The following ATP8B1 variants were observed in gnomAD, a reference collection of about 807,000 sequenced individuals.
The protein encoded by ATP8B1 is ATPase phospholipid transporting 8B1.
ATP8B1 carries 80 observed loss-of-function variants against 149.9 expected under a neutral mutation model. That is an observed-to-expected ratio of 0.53 (90% CI 0.45 to 0.64). ATP8B1 has a LOEUF of 0.64. Ranked by LOEUF, ATP8B1 falls within the 30% of genes least tolerant of loss-of-function variation. ATP8B1 has a pLI of 0.00. For missense variants in ATP8B1, 1,247 were observed against 1,552.6 expected (o/e 0.80, Z 3.31); for synonymous variants, 536 against 562.8 (o/e 0.95, Z 0.67).
intron 12 of ATP8B1, 96 bp from the exon 13 acceptor site, chr18:57,688,603 T>G: frequency 8.2e-7 from 1 of 1,215,424 alleles, no homozygotes; most frequent in African/African-American, 1.5e-5. Context: ...AGCAAGCTGC[T>G]TATTTACTGC....
intron 1 of ATP8B1, among the ~76,000 whole-genome samples, chr18:57,779,123 G>C (rs951500496): frequency 6.6e-6 from 1 of 152,002 alleles, no homozygotes; most frequent in Non-Finnish European, 1.5e-5. Flanking sequence ...AGGAGTTCGA[G>C]ACCAGCCCAG....
chr18:57,702,197 A>G (rs1196300982), intron 4 of ATP8B1, among the ~76,000 whole-genome samples: 2 of 152,250 alleles, frequency 1.3e-5, no homozygotes, highest in Non-Finnish European at 2.9e-5. Flanking sequence ...CTATTGGCCT[A>G]TCCAAGAAAG....
chr18:57,665,045 C>G (rs1481113070), intron 20 of ATP8B1, among the ~76,000 whole-genome samples: 4 of 151,944 alleles, frequency 2.6e-5, no homozygotes. Context: ...AAGCCAGGAG[C>G]ACTTCTCTGC....
At chr18:57,651,701 C>T (rs555609629) in intron 26 of ATP8B1, among the ~76,000 whole-genome samples, 4 of 151,982 alleles carry the variant, frequency 2.6e-5, no homozygotes, top group East Asian at 1.9e-4. Flanking sequence ...AGTGCCATCA[C>T]GACTCACTGT....
rs1013354154 is a variant in ATP8B1 at position 57,651,404 on chromosome 18, C to T, written c.3400+630G>A. 2.6e-5 allele frequency among the ~76,000 whole-genome samples: 4 copies of T among 152,122 alleles called. 1 individual carries two copies. Among genetic ancestry groups the T allele is most frequent in the Admixed American group, 2.6e-4 (4 of 15,260 alleles). On this transcript the variant is annotated intron_variant, in intron 26 of 27. Coordinates refer to ENST00000648908, the MANE Select transcript of ATP8B1 (RefSeq NM_001374385.1). ...TACAGGCGTGAGCTACCACATCTAG[C>T]CCCAGTATTAGGTTTTATGGGAAAG... is the stretch of plus-strand genomic sequence containing the variant.
chr18:57,722,193 A>G (rs2079653656), intron 2 of ATP8B1, among the ~76,000 whole-genome samples: 1 of 151,810 alleles, frequency 6.6e-6, no homozygotes, highest in African/African-American at 2.4e-5. Flanking sequence ...AAGAAGTAGA[A>G]AAGCAAGAGC....
At chr18:57,708,455 G>A (rs546613280) in intron 2 of ATP8B1, 6 of 152,256 alleles carry the variant, frequency 3.9e-5, no homozygotes, top group East Asian at 3.9e-4. Context: ...TCAAAAAGGC[G>A]TTCTCAAAGT....
intron 1 of ATP8B1, among the ~76,000 whole-genome samples, chr18:57,733,360 G>A (rs2123154185): frequency 6.6e-6 from 1 of 152,242 alleles, no homozygotes; most frequent in Middle Eastern, 3.4e-3. Context: ...CTACCCAGCA[G>A]AGGAGAAAAA....
intron 7 of ATP8B1, 49 bp downstream of exon 7, chr18:57,697,746 G>T: frequency 6.2e-7 from 1 of 1,612,740 alleles, no homozygotes; most frequent in Non-Finnish European, 8.5e-7. Context: ...GCCGAGCACA[G>T]GGGCTGGGGG....
chr18:57,704,199 C>G (rs1191305419), intron 4 of ATP8B1, among the ~76,000 whole-genome samples: 1 of 152,062 alleles, frequency 6.6e-6, no homozygotes, highest in Non-Finnish European at 1.5e-5. Context: ...AACTCCTCAC[C>G]CGAGGTGATC....
intron 17 of ATP8B1, 90 bp from the exon 18 acceptor site, chr18:57,669,572 A>G: frequency 8.5e-7 from 1 of 1,173,884 alleles, no homozygotes; most frequent in Middle Eastern, 2.1e-4. Context: ...CTTTGAAGTA[A>G]TATACTAACA....
chr18:57,793,032 G>A (rs765549868), intron 1 of ATP8B1, among the ~76,000 whole-genome samples: 1 of 152,144 alleles, frequency 6.6e-6, no homozygotes, highest in Non-Finnish European at 1.5e-5. Flanking sequence ...ACAGGCTGAT[G>A]GTAAACACAA....
At chr18:57,698,594 C>CA (rs1411750863) in intron 6 of ATP8B1, among the ~76,000 whole-genome samples, 2 of 152,216 alleles carry the variant, frequency 1.3e-5, no homozygotes, top group African/African-American at 4.8e-5. Flanking sequence ...CTCGGCCTCC[C>CA]AAAGTGCTGG....
At chr18:57,706,041 G>C (rs1413299943) in intron 3 of ATP8B1, among the ~76,000 whole-genome samples, 1 of 152,002 alleles carries the variant, frequency 6.6e-6, no homozygotes, top group African/African-American at 2.4e-5. Context: ...TTTGTATTTC[G>C]CATTTAATCT....
intron 1 of ATP8B1, among the ~76,000 whole-genome samples, chr18:57,791,972 G>A (rs562089337): frequency 6.6e-6 from 1 of 152,294 alleles, no homozygotes; most frequent in African/African-American, 2.4e-5. Context: ...ACCTGGCAAC[G>A]TAGTGGGTAT....
At chr18:57,759,531 C>T (rs1235145613) in intron 1 of ATP8B1, among the ~76,000 whole-genome samples, 2 of 152,042 alleles carry the variant, frequency 1.3e-5, no homozygotes, top group East Asian at 3.9e-4. Context: ...CAGGAAGGGC[C>T]GGGCACGGTG....
intron 10 of ATP8B1, 73 bp from the exon 11 acceptor site, chr18:57,694,743 T>G (rs1320713890): frequency 9.3e-7 from 1 of 1,075,026 alleles, no homozygotes; most frequent in East Asian, 2.5e-5. Flanking sequence ...AAAATTACTC[T>G]TCTTGGCCAG....
intron 25 of ATP8B1, 32 bp downstream of exon 25, chr18:57,652,452 G>A: frequency 6.2e-7 from 1 of 1,613,882 alleles, no homozygotes; most frequent in Non-Finnish European, 8.5e-7. Flanking sequence ...GGTACCAATA[G>A]ACACTGAATA....
chr18:57,701,700 CT>C (rs1332049355), intron 4 of ATP8B1, among the ~76,000 whole-genome samples: 198 of 143,880 alleles, frequency 1.4e-3, no homozygotes, highest in Middle Eastern at 3.6e-3. Flanking sequence ...CTTTTTTTTT[CT>C]TTTTTTTTTT....
Sources: gnomAD v4.1 joint callset for allele counts (sites outside exome capture counted in the v4.1 genomes callset) on GRCh38, gnomAD v4.1.1 for gene constraint, MANE v1.5 for transcripts, NCBI Gene and HGNC (gene_info 2026-07-23, HGNC 2026-07-21) for gene names.